The following PRKG1 variants were observed in gnomAD, a reference collection of about 807,000 sequenced individuals.
The protein encoded by PRKG1 is protein kinase cGMP-dependent 1, also known as cGMP-dependent protein kinase 1.
A neutral mutation model predicts 88.1 loss-of-function variants in PRKG1; 35 were observed. The ratio of observed to expected loss-of-function variants is 0.40; its 90% CI spans 0.30 to 0.53. The LOEUF is 0.53. Ranked by LOEUF, PRKG1 falls within the 20% of genes least tolerant of loss-of-function variation. PRKG1 has a pLI of 0.59. For missense variants in PRKG1, 540 were observed against 839.8 expected (o/e 0.64, Z 4.41); for synonymous variants, 303 against 292.5 (o/e 1.04, Z -0.37).
chr10:51,935,250 T>C (rs911123280), intron 5 of PRKG1, among the ~76,000 whole-genome samples: 14 of 152,142 alleles, frequency 9.2e-5, no homozygotes, highest in African/African-American at 3.4e-4. Context: ...TTTATACTAA[T>C]TGAACTTAAG....
intron 5 of PRKG1, among the ~76,000 whole-genome samples, chr10:52,011,767 T>G (rs1043009288): frequency 6.6e-6 from 1 of 152,200 alleles, no homozygotes; most frequent in African/African-American, 2.4e-5. Flanking sequence ...AAATTGCATT[T>G]TGTCACTCCC....
At chr10:52,290,050 T>G (rs1018937238) in intron 16 of PRKG1, among the ~76,000 whole-genome samples, 174 bp from the exon 17 acceptor site, 2 of 152,212 alleles carry the variant, frequency 1.3e-5, no homozygotes, top group Non-Finnish European at 2.9e-5. Context: ...TTTAAAAATA[T>G]GTATTTCATA....
intron 3 of PRKG1, among the ~76,000 whole-genome samples, chr10:51,545,229 G>A (rs1326257): frequency 0.75 from 113,662 of 152,008 alleles, 43,049 homozygotes; most frequent in East Asian, 0.98. Context: ...CCCAATGCCT[G>A]CAATCAGCCC....
In PRKG1 at chr10:51,530,827, T is replaced by G. The variant is rs191013527; in HGVS notation, c.592+62991T>G. Among the ~76,000 whole-genome samples the G allele has an allele frequency of 4.0e-3, 609 of 152,304 alleles. 4 individuals carry two copies. The highest frequency in any genetic ancestry group is 3.0e-3 in the Non-Finnish European group (207 of 68,014). ...GTCTGATGGGAAACCCTTTTTCCCA[T>G]GTGTTTTTGTTGAAGATGTTTGTTC... On this transcript the variant is annotated intron_variant, in intron 3 of 17. Transcript: ENST00000373980.
At chr10:51,668,691 A>G (rs1009892415) in intron 3 of PRKG1, among the ~76,000 whole-genome samples, 3 of 152,192 alleles carry the variant, frequency 2.0e-5, no homozygotes, top group Non-Finnish European at 4.4e-5. Flanking sequence ...AATCTTTACA[A>G]TTCTATTCAA....
intron 7 of PRKG1, among the ~76,000 whole-genome samples, chr10:52,069,230 T>A (rs1466934307): frequency 6.6e-6 from 1 of 152,206 alleles, no homozygotes; most frequent in Non-Finnish European, 1.5e-5. Flanking sequence ...TTTTTTCTTT[T>A]AAAAAATTAA....
intron 1 of PRKG1, among the ~76,000 whole-genome samples, chr10:50,997,702 G>T (rs1309378642): frequency 6.6e-6 from 1 of 152,142 alleles, no homozygotes; most frequent in Non-Finnish European, 1.5e-5. Context: ...ATAAACCAGG[G>T]ATAGCATATC....
At chr10:51,133,820 G>T (rs1845628691) in intron 1 of PRKG1, among the ~76,000 whole-genome samples, 1 of 151,868 alleles carries the variant, frequency 6.6e-6, no homozygotes, top group African/African-American at 2.4e-5. Flanking sequence ...ATGTGTAGAT[G>T]TGTATTGTAT....
chr10:51,467,943 T>G (rs1212211591), intron 3 of PRKG1, 107 bp downstream of exon 3: 2 of 976,430 alleles, frequency 2.0e-6, no homozygotes, highest in African/African-American at 3.2e-5. Context: ...TTTATTTCTT[T>G]GTATTTTAAT....
intron 2 of PRKG1, among the ~76,000 whole-genome samples, chr10:51,334,515 A>T (rs1289982211): frequency 1.3e-5 from 2 of 152,180 alleles, no homozygotes; most frequent in Non-Finnish European, 2.9e-5. Context: ...CTAACATAGT[A>T]ATGGCTTCTT....
At chr10:51,922,721 T>A (rs1842488225) in intron 5 of PRKG1, among the ~76,000 whole-genome samples, 1 of 152,006 alleles carries the variant, frequency 6.6e-6, no homozygotes, top group African/African-American at 2.4e-5. Flanking sequence ...TTTCTATTAT[T>A]GATTTCTAAT....
intron 1 of PRKG1, among the ~76,000 whole-genome samples, chr10:51,031,353 C>T (rs556943705): frequency 1.6e-3 from 245 of 152,222 alleles, no homozygotes; most frequent in Non-Finnish European, 2.5e-3. Flanking sequence ...TTTAAATTTT[C>T]TGGAGGACAA....
At chr10:51,174,602 A>G (rs1373933333) in intron 2 of PRKG1, among the ~76,000 whole-genome samples, 2 of 152,038 alleles carry the variant, frequency 1.3e-5, no homozygotes, top group Non-Finnish European at 2.9e-5. Context: ...GTCAATTTCA[A>G]ACTACCAATA....
intron 1 of PRKG1, among the ~76,000 whole-genome samples, chr10:51,022,152 TA>T (rs1010388771): frequency 2.0e-5 from 3 of 152,214 alleles, no homozygotes; most frequent in Non-Finnish European, 4.4e-5. Flanking sequence ...GCAGAAGTCC[TA>T]GGATCATGAC....
chr10:51,758,685 T>A (rs185054554), intron 3 of PRKG1, among the ~76,000 whole-genome samples: 42 of 152,238 alleles, frequency 2.8e-4, no homozygotes, highest in African/African-American at 6.5e-4. Flanking sequence ...ATTTTTTTTT[T>A]AAATTTATTA....
intron 3 of PRKG1, among the ~76,000 whole-genome samples, chr10:51,470,343 A>G (rs1156942369): frequency 7.2e-5 from 11 of 151,804 alleles, no homozygotes; most frequent in Non-Finnish European, 1.6e-4. Flanking sequence ...GGATTCATCC[A>G]CTTGGGCGTA....
intron 3 of PRKG1, among the ~76,000 whole-genome samples, chr10:51,599,310 G>A (rs1301366377): frequency 2.6e-5 from 4 of 152,094 alleles, no homozygotes; most frequent in African/African-American, 7.2e-5. Flanking sequence ...AACATCCCAC[G>A]ATACACAGGA....
At chr10:52,038,038 C>T (rs1358911497) in intron 5 of PRKG1, among the ~76,000 whole-genome samples, 2 of 152,104 alleles carry the variant, frequency 1.3e-5, no homozygotes, top group Admixed American at 6.5e-5. Flanking sequence ...ACAAGAATTA[C>T]TTAGATCTTG....
intron 1 of PRKG1, among the ~76,000 whole-genome samples, chr10:51,047,800 A>G (rs1843509455): frequency 6.6e-6 from 1 of 152,220 alleles, no homozygotes; most frequent in Non-Finnish European, 1.5e-5. Flanking sequence ...AATGAAAAAA[A>G]CAAGATATAC....
Sources: gnomAD v4.1 joint callset for allele counts (sites outside exome capture counted in the v4.1 genomes callset) on GRCh38, gnomAD v4.1.1 for gene constraint, MANE v1.5 for transcripts, NCBI Gene and HGNC (gene_info 2026-07-23, HGNC 2026-07-21) for gene names.